The following TRIP12 variants were observed in gnomAD, a reference collection of about 807,000 sequenced individuals.
TRIP12 encodes E3 ubiquitin-protein ligase TRIP12.
TRIP12 carries 25 observed loss-of-function variants against 244.2 expected under a neutral mutation model. The observed-to-expected ratio is 0.10, with a 90% CI of 0.07 to 0.14. The LOEUF (loss-of-function observed/expected upper bound fraction) is 0.14, where lower values mean the gene tolerates loss of function less well. TRIP12 is among the 10% of genes least tolerant of loss of function. TRIP12 has a pLI of 1.00. For synonymous variants in TRIP12, 905 were observed against 873.1 expected, an observed-to-expected ratio of 1.04 and a Z score of -0.64; for missense variants, 1,677 against 2,486.4, an observed-to-expected ratio of 0.67 and a Z score of 6.92.
intron 1 of TRIP12, among the ~76,000 whole-genome samples, chr2:229,919,227 C>G (rs945064999): frequency 2.1e-4 from 32 of 152,028 alleles, no homozygotes; most frequent in African/African-American, 7.7e-4. Context: ...ACCAGCCTGG[C>G]CAACATGGTG....
chr2:229,909,697 A>AAC (rs2073879857), intron 1 of TRIP12, among the ~76,000 whole-genome samples: 1 of 152,034 alleles, frequency 6.6e-6, no homozygotes, highest in Non-Finnish European at 1.5e-5. Flanking sequence ...CAAAAAAAAA[A>AAC]AACAAAGTAG....
intron 4 of TRIP12, among the ~76,000 whole-genome samples, chr2:229,855,619 AAAAAAG>A (rs1283941531): frequency 2.9e-4 from 38 of 128,906 alleles, no homozygotes; most frequent in Non-Finnish European, 5.7e-4. Flanking sequence ...AAAAAAAAAA[AAAAAAG>A]AGAAAAGAAA....
At position 229,814,057 on chromosome 2, in the gene TRIP12, A is replaced by G. The variant is rs190152587; in HGVS notation, c.1825-26T>C. 3.9e-5 allele frequency: 61 copies of G among 1,555,348 alleles called. No individual in the cohort carries two copies. In the African/African-American group the frequency reaches 7.0e-4, roughly 18 times the overall value. On this transcript the variant is annotated intron_variant, in intron 12 of 41. Coordinates refer to ENST00000675903, the MANE Select transcript of TRIP12 (RefSeq NM_001348323.3). ...CTAAAATATAGAAAACTGTTAAGGT[A>G]AAGAAAAATCCTTTATCAGCAATAA...
chr2:229,919,302 G>C (rs1250173924), intron 1 of TRIP12, among the ~76,000 whole-genome samples: 2 of 152,078 alleles, frequency 1.3e-5, no homozygotes, highest in Non-Finnish European at 2.9e-5. Context: ...TGTAATCTCA[G>C]CTACTCAGGA....
chr2:229,816,337 A>AC (rs1466427025), intron 9 of TRIP12, among the ~76,000 whole-genome samples: 1 of 152,054 alleles, frequency 6.6e-6, no homozygotes, highest in Admixed American at 6.6e-5. Flanking sequence ...AAAAAAAAAA[A>AC]AAAACTATCA....
chr2:229,904,007 G>A lies in TRIP12; in HGVS notation c.-50+17873C>T, dbSNP rs575442817. 2.3e-4 allele frequency among the ~76,000 whole-genome samples: 35 copies of A among 152,186 alleles called. No homozygotes were observed. The South Asian group carries it at 4.8e-3, about 21-fold the overall frequency. ...ACTAAGATGGAGCCACTGCACTCCCGCCTGGGCAACTGAGCAAGACCCTGT... is the reference window on the plus strand; with the variant it reads ...ACTAAGATGGAGCCACTGCACTCCCACCTGGGCAACTGAGCAAGACCCTGT... On this transcript the variant is annotated intron_variant, in intron 1 of 41. Coordinates refer to ENST00000675903, the MANE Select transcript of TRIP12 (RefSeq NM_001348323.3).
At chr2:229,779,299 G>A (rs1258397258) in intron 34 of TRIP12, among the ~76,000 whole-genome samples, 1 of 152,160 alleles carries the variant, frequency 6.6e-6, no homozygotes, top group Admixed American at 6.5e-5. Context: ...GTCTGCATAT[G>A]GATGTCTTTC....
chr2:229,788,128 C>T (rs1166564092), intron 32 of TRIP12, among the ~76,000 whole-genome samples: 1 of 152,148 alleles, frequency 6.6e-6, no homozygotes, highest in Non-Finnish European at 1.5e-5. Flanking sequence ...TAAGAATTTT[C>T]ATACTTCTTA....
chr2:229,794,875 T>C (rs992614714), intron 26 of TRIP12: 5 of 187,470 alleles, frequency 2.7e-5, no homozygotes, highest in Admixed American at 2.4e-4. Flanking sequence ...AAGTTAAACA[T>C]AAAGTTCTTA....
intron 1 of TRIP12, among the ~76,000 whole-genome samples, chr2:229,911,044 TG>T (rs1202591444): frequency 6.6e-6 from 1 of 152,056 alleles, no homozygotes; most frequent in Non-Finnish European, 1.5e-5. Flanking sequence ...TTTCCCTAGG[TG>T]GGAAGAAATG....
At chr2:229,777,167 A>C (rs575889620) in intron 37 of TRIP12, 148 bp downstream of exon 37, 2 of 833,360 alleles carry the variant, frequency 2.4e-6, no homozygotes, top group African/African-American at 3.4e-5. Flanking sequence ...CTGTGAAATC[A>C]TATGTCTTAG....
intron 21 of TRIP12, 82 bp downstream of exon 21, chr2:229,802,170 A>G: frequency 1.8e-6 from 2 of 1,087,714 alleles, no homozygotes; most frequent in South Asian, 1.9e-5. Context: ...ATATGTTACC[A>G]TTTTACTCCC....
chr2:229,901,328 T>TG (rs2070745790), intron 1 of TRIP12, among the ~76,000 whole-genome samples: 3 of 152,020 alleles, frequency 2.0e-5, no homozygotes, highest in African/African-American at 7.2e-5. Flanking sequence ...CCAGGCGCAG[T>TG]GGCTCACTTT....
At chr2:229,798,838 T>C (rs767595360) in intron 23 of TRIP12, 37 bp downstream of exon 23, 71 of 1,602,928 alleles carry the variant, frequency 4.4e-5, no homozygotes, top group Admixed American at 6.9e-5. Flanking sequence ...TTTTCTGATA[T>C]GGGAATAGAA....
intron 5 of TRIP12, among the ~76,000 whole-genome samples, chr2:229,839,459 C>G (rs562909222): frequency 2.0e-5 from 3 of 151,998 alleles, no homozygotes; most frequent in Non-Finnish European, 2.9e-5. Flanking sequence ...AGGTGGATCA[C>G]GAGGTCAGGA....
intron 1 of TRIP12, among the ~76,000 whole-genome samples, chr2:229,915,408 T>C (rs749309012): frequency 1.3e-5 from 2 of 152,152 alleles, no homozygotes; most frequent in Non-Finnish European, 2.9e-5. Context: ...TGACTAAAAG[T>C]CTCAAAGTCA....
intron 4 of TRIP12, among the ~76,000 whole-genome samples, chr2:229,844,438 T>C (rs1269749543): frequency 6.6e-6 from 1 of 152,226 alleles, no homozygotes; most frequent in African/African-American, 2.4e-5. Context: ...ATAATAAATC[T>C]TCGCTGTCCT....
At position 229,803,457 on chromosome 2, in the gene TRIP12, C is replaced by A. The variant is rs181557977; in HGVS notation, c.2998+114G>T. On this transcript the variant is annotated intron_variant, in intron 20 of 41. Coordinates refer to ENST00000675903, the MANE Select transcript of TRIP12 (RefSeq NM_001348323.3). ...TACACAGAGCTATAAGCTAACAGAG[C>A]TTTAAATGTCATTTTTAAATTGAAA... 425 of 696,770 alleles carry A rather than the reference C, an allele frequency of 6.1e-4. 2 individuals carry two copies. The highest frequency in any genetic ancestry group is 4.1e-3 in the African/African-American group (221 of 54,310). 43.2% of individuals were successfully genotyped at this position (696,770 alleles called of 1,614,324 possible).
chr2:229,830,322 G>A (rs2053003600), intron 7 of TRIP12, among the ~76,000 whole-genome samples: 1 of 152,212 alleles, frequency 6.6e-6, no homozygotes, highest in African/African-American at 2.4e-5. Context: ...CGACCTTGGT[G>A]ATGGCCTTGA....
Sources: gnomAD v4.1 joint callset for allele counts (sites outside exome capture counted in the v4.1 genomes callset) on GRCh38, gnomAD v4.1.1 for gene constraint, MANE v1.5 for transcripts, NCBI Gene and HGNC (gene_info 2026-07-23, HGNC 2026-07-21) for gene names.